The following SLC25A12 variants were observed in gnomAD, a reference collection of about 807,000 sequenced individuals.
The protein encoded by SLC25A12 is electrogenic aspartate/glutamate antiporter SLC25A12, mitochondrial.
In SLC25A12, 32 loss-of-function variants were observed where a neutral mutation model predicts 83.3. The ratio of observed to expected loss-of-function variants is 0.38; its 90% CI spans 0.29 to 0.52. SLC25A12 has a LOEUF of 0.52. SLC25A12 is among the 20% of genes least tolerant of loss of function. SLC25A12 has a pLI of 0.84. For missense variants in SLC25A12, 611 were observed against 835.6 expected (o/e 0.73, Z 3.31); for synonymous variants, 267 against 291.1 (o/e 0.92, Z 0.84).
chr2:171,850,829 A>G (rs1000467439), intron 4 of SLC25A12, among the ~76,000 whole-genome samples: 5 of 152,208 alleles, frequency 3.3e-5, no homozygotes, highest in African/African-American at 1.2e-4. Flanking sequence ...ATTTTTCATA[A>G]CTACACTTCC....
At chr2:171,881,579 A>G (rs1685695648) in intron 2 of SLC25A12, among the ~76,000 whole-genome samples, 1 of 152,200 alleles carries the variant, frequency 6.6e-6, no homozygotes, top group South Asian at 2.1e-4. Context: ...TCAAGCCTTC[A>G]GAAGTATTGG....
chr2:171,792,689 A>G (rs1296453934), intron 14 of SLC25A12, among the ~76,000 whole-genome samples: 2 of 152,102 alleles, frequency 1.3e-5, no homozygotes, highest in Admixed American at 1.3e-4. Flanking sequence ...AGCAATATTA[A>G]TAAATTCATC....
chr2:171,829,365 A>G (rs1321199820), intron 8 of SLC25A12, among the ~76,000 whole-genome samples: 1 of 152,028 alleles, frequency 6.6e-6, no homozygotes, highest in East Asian at 1.9e-4. Context: ...CCTGCCCCCA[A>G]AAGGGCAGGT....
At chr2:171,855,136 TG>T in intron 4 of SLC25A12, among the ~76,000 whole-genome samples, 1 of 152,304 alleles carries the variant, frequency 6.6e-6, no homozygotes, top group Middle Eastern at 3.4e-3. Flanking sequence ...TTGAAAAAAT[TG>T]TTGCAAGAAA....
In SLC25A12 at chr2:171,821,161, C is replaced by T. The variant is rs373614398; in HGVS notation, c.930+5637G>A. Among the ~76,000 whole-genome samples the T allele has an allele frequency of 4.8e-4, 72 of 150,808 alleles. 1 individual carries two copies. Among genetic ancestry groups the T allele is most frequent in the Middle Eastern group, 6.8e-3 (2 of 292 alleles). The stretch of plus-strand genomic sequence containing the variant: ...TCTCGTGCCTCAGCCTCCCGAGCAG[C>T]TGGGACTATAGGTGTGCACCACTAT... On this transcript the variant is annotated intron_variant, in intron 9 of 17. Transcript: ENST00000422440.
chr2:171,811,632 G>A (rs1027613481), intron 11 of SLC25A12, among the ~76,000 whole-genome samples: 4 of 152,142 alleles, frequency 2.6e-5, no homozygotes, highest in Admixed American at 2.0e-4. Context: ...CTCACATACA[G>A]GACTCCTACA....
At chr2:171,815,092 C>G (rs1684023815) in intron 10 of SLC25A12, 29 bp downstream of exon 10, 4 of 1,576,818 alleles carry the variant, frequency 2.5e-6, no homozygotes, top group South Asian at 2.2e-5. Flanking sequence ...TAACACAAGC[C>G]TCAAACAGCA....
intron 5 of SLC25A12, 132 bp downstream of exon 5, chr2:171,844,237 G>A (rs1321042503): frequency 9.0e-6 from 8 of 885,252 alleles, no homozygotes; most frequent in South Asian, 6.3e-5. Context: ...TGTCTCTGGC[G>A]AGGGGGAAAT....
At chr2:171,790,057 G>A (rs1483267361) in intron 15 of SLC25A12, among the ~76,000 whole-genome samples, 6 of 152,140 alleles carry the variant, frequency 3.9e-5, no homozygotes, top group Admixed American at 2.0e-4. Context: ...AAATAAGGGC[G>A]GTAAGTTCCC....
intron 11 of SLC25A12, among the ~76,000 whole-genome samples, chr2:171,811,670 A>G (rs1222854345): frequency 6.6e-6 from 1 of 152,180 alleles, no homozygotes; most frequent in African/African-American, 2.4e-5. Context: ...AAAGTCTCTC[A>G]TTTAAAGAAC....
chr2:171,854,083 C>T (rs191174056), intron 4 of SLC25A12, among the ~76,000 whole-genome samples: 1 of 152,254 alleles, frequency 6.6e-6, no homozygotes, highest in East Asian at 1.9e-4. Context: ...TGTGTGATAC[C>T]TACTGAAAAT....
intron 2 of SLC25A12, among the ~76,000 whole-genome samples, chr2:171,886,316 C>T (rs1298522296): frequency 6.8e-6 from 1 of 146,910 alleles, no homozygotes; most frequent in Non-Finnish European, 1.5e-5. Context: ...GCAGCCTCAA[C>T]CTCCTAGGCT....
At chr2:171,818,012 A>G (rs1684090531) in intron 9 of SLC25A12, among the ~76,000 whole-genome samples, 1 of 152,226 alleles carries the variant, frequency 6.6e-6, no homozygotes, top group East Asian at 1.9e-4. Flanking sequence ...CCCTTATTAA[A>G]TAACATTTAA....
intron 9 of SLC25A12, among the ~76,000 whole-genome samples, chr2:171,819,416 T>TTG: frequency 8.2e-6 from 1 of 122,116 alleles, no homozygotes; most frequent in South Asian, 2.3e-4. Flanking sequence ...AAGTATATAA[T>TTG]TATGTTATAT....
chr2:171,833,580 C>G (rs1352776826), intron 8 of SLC25A12, among the ~76,000 whole-genome samples: 2 of 152,198 alleles, frequency 1.3e-5, no homozygotes, highest in East Asian at 3.9e-4. Flanking sequence ...CTCTTTCCCA[C>G]TTTATGAACC....
At chr2:171,820,519 G>A (rs1280245792) in intron 9 of SLC25A12, among the ~76,000 whole-genome samples, 8 of 147,982 alleles carry the variant, frequency 5.4e-5, no homozygotes, top group Non-Finnish European at 3.0e-5. Context: ...ACGAGGTCAG[G>A]AGATCGAGAC....
intron 3 of SLC25A12, among the ~76,000 whole-genome samples, chr2:171,867,031 G>C (rs1306525792): frequency 2.0e-5 from 3 of 149,586 alleles, no homozygotes; most frequent in Admixed American, 2.0e-4. Flanking sequence ...TCACATCCCA[G>C]ACGGGGCGGT....
At chr2:171,823,008 G>A (rs758452473) in intron 9 of SLC25A12, among the ~76,000 whole-genome samples, 1 of 152,184 alleles carries the variant, frequency 6.6e-6, no homozygotes, top group Non-Finnish European at 1.5e-5. Flanking sequence ...GAAGTAACAT[G>A]GGAATAGTTA....
In SLC25A12 at chr2:171,886,666, T is replaced by C. The variant is rs940823446; in HGVS notation, c.66+6539A>G. Among the ~76,000 whole-genome samples the C allele has an allele frequency of 5.1e-4, 78 of 151,980 alleles. 1 individual carries two copies. The highest frequency in any genetic ancestry group is 2.5e-3 in the Admixed American group (38 of 15,256). ...CTGGGACTACAGGCACCCGCCACCA[T>C]GCCCGGCTAATTTTTTTGTATTTTT... On this transcript the variant is annotated intron_variant, in intron 2 of 17. Transcript: ENST00000422440.
Sources: gnomAD v4.1 joint callset for allele counts (sites outside exome capture counted in the v4.1 genomes callset) on GRCh38, gnomAD v4.1.1 for gene constraint, MANE v1.5 for transcripts, NCBI Gene and HGNC (gene_info 2026-07-23, HGNC 2026-07-21) for gene names.